The following YWHAG variants were observed in gnomAD, a reference collection of about 807,000 sequenced individuals.
YWHAG encodes the protein 14-3-3 protein gamma.
In YWHAG, 1 loss-of-function variant was observed where a neutral mutation model predicts 23.3. The ratio of observed to expected loss-of-function variants is 0.04; its 90% CI spans 0.02 to 0.20. YWHAG has a LOEUF of 0.20. Ranked by LOEUF, YWHAG falls within the 10% of genes least tolerant of loss-of-function variation. The pLI is 1.00. For synonymous variants in YWHAG, 160 were observed against 144.0 expected, an observed-to-expected ratio of 1.11 and a Z score of -0.80; for missense variants, 151 against 338.6, an observed-to-expected ratio of 0.45 and a Z score of 4.35.
chr7:76,349,444 G>GAC (rs34840797), intron 1 of YWHAG, among the ~76,000 whole-genome samples: 1,569 of 143,228 alleles, frequency 0.011, 11 homozygotes, highest in Non-Finnish European at 0.017. Flanking sequence ...CACACACACA[G>GAC]ACACACACAC....
rs2115586411 is a variant in YWHAG at position 76,329,373 on chromosome 7, A to G, written c.*204T>C. ...GACGCCAGTGTGAGGCTGCTATTCC[A>G]ATACCAGCACAGCTAGCCTGACTTT... On this transcript the variant is annotated 3_prime_UTR_variant, in exon 2 of 2. Transcript: ENST00000307630. This position sits in a 1 kb window ranked among gnomAD's most constrained non-coding sequence, Gnocchi z 6.1. 1.6e-6 allele frequency: 1 copy of G among 629,874 alleles called. No homozygotes were observed. The highest frequency in any genetic ancestry group is 2.7e-6 in the Non-Finnish European group (1 of 370,374). The allele number at this position is 629,874 out of a possible 1,614,324, so 39.0% of individuals were successfully genotyped here. A position where few individuals can be genotyped will look rare whatever the true frequency, so the allele number is the denominator to read the frequency against.
chr7:76,340,113 TACAC>T (rs1803670059), intron 1 of YWHAG, among the ~76,000 whole-genome samples: 2 of 151,682 alleles, frequency 1.3e-5, no homozygotes, highest in African/African-American at 4.8e-5. Flanking sequence ...AACACACACA[TACAC>T]ACACAAACAA....
chr7:76,332,796 C>A (rs374668527), intron 1 of YWHAG, among the ~76,000 whole-genome samples: 1 of 151,712 alleles, frequency 6.6e-6, no homozygotes, highest in Non-Finnish European at 1.5e-5. Flanking sequence ...AACCTCCCCC[C>A]AAGTTCAAGC....
chr7:76,349,214 C>T (rs894664664), intron 1 of YWHAG, among the ~76,000 whole-genome samples: 2 of 151,426 alleles, frequency 1.3e-5, no homozygotes, highest in Non-Finnish European at 1.5e-5. Context: ...TGGTGGTGGG[C>T]GCCTGTAGTC....
intron 1 of YWHAG, among the ~76,000 whole-genome samples, chr7:76,351,273 T>C (rs1207821467): frequency 6.6e-6 from 1 of 152,170 alleles, no homozygotes; most frequent in Non-Finnish European, 1.5e-5. Flanking sequence ...TCCAAGATAT[T>C]CTAGAATATT....
chr7:76,350,486 A>ACCAT (rs534475711), intron 1 of YWHAG, among the ~76,000 whole-genome samples: 44 of 152,320 alleles, frequency 2.9e-4, no homozygotes, highest in Admixed American at 2.2e-3. Flanking sequence ...TGGGGACATG[A>ACCAT]CCATCCTAAG....
intron 1 of YWHAG, among the ~76,000 whole-genome samples, chr7:76,351,073 A>G (rs528903093): frequency 2.0e-5 from 3 of 152,332 alleles, no homozygotes; most frequent in African/African-American, 7.2e-5. Flanking sequence ...AAAAGAATAT[A>G]AACTGTAGAA....
intron 1 of YWHAG, among the ~76,000 whole-genome samples, chr7:76,354,474 C>CT (rs1803921660): frequency 6.6e-6 from 1 of 152,138 alleles, no homozygotes; most frequent in Admixed American, 6.6e-5. Flanking sequence ...TACCACACCA[C>CT]TGCCCACTGC....
intron 1 of YWHAG, among the ~76,000 whole-genome samples, chr7:76,333,719 T>C (rs1583983743): frequency 6.6e-6 from 1 of 152,248 alleles, no homozygotes; most frequent in East Asian, 1.9e-4. Flanking sequence ...ATCTCTGGCA[T>C]ACTTTACTGA....
At chr7:76,356,066 C>T (rs961559576) in intron 1 of YWHAG, among the ~76,000 whole-genome samples, 5 of 152,190 alleles carry the variant, frequency 3.3e-5, no homozygotes, top group African/African-American at 1.2e-4. Flanking sequence ...ATAGTGTTAG[C>T]ACTAGGATAA....
chr7:76,335,302 C>T (rs1041773620), intron 1 of YWHAG, among the ~76,000 whole-genome samples: 32 of 152,056 alleles, frequency 2.1e-4, no homozygotes, highest in Admixed American at 1.9e-3. Flanking sequence ...GTGATCCGCC[C>T]GCCTCGGCCT....
intron 1 of YWHAG, among the ~76,000 whole-genome samples, chr7:76,347,659 TC>T (rs543445600): frequency 4.6e-4 from 70 of 152,306 alleles, no homozygotes; most frequent in Non-Finnish European, 9.6e-4. Flanking sequence ...ATAACTAGCA[TC>T]TCTTTTCTTC....
intron 1 of YWHAG, among the ~76,000 whole-genome samples, chr7:76,345,668 C>T (rs944756284): frequency 1.3e-5 from 2 of 151,968 alleles, no homozygotes; most frequent in African/African-American, 2.4e-5. Context: ...TGAGGCCTGG[C>T]GCAGTGGCTC....
chr7:76,339,614 C>T (rs1406634137), intron 1 of YWHAG, among the ~76,000 whole-genome samples: 3 of 152,266 alleles, frequency 2.0e-5, no homozygotes, highest in East Asian at 3.9e-4. Context: ...CAGGTTTGAA[C>T]TGCACAAATC....
chr7:76,334,735 A>G (rs1041667955), intron 1 of YWHAG, among the ~76,000 whole-genome samples: 5 of 149,050 alleles, frequency 3.4e-5, no homozygotes, highest in East Asian at 2.0e-4. Context: ...TTTAAAAAAA[A>G]AAAGAAAGAA....
At chr7:76,358,607 A>G (rs1804000616) in intron 1 of YWHAG, 115 bp downstream of exon 1, 2 of 1,069,254 alleles carry the variant, frequency 1.9e-6, no homozygotes, top group Non-Finnish European at 2.6e-6. Context: ...TCAGTGAGCG[A>G]GACGGGGCGG....
At chr7:76,351,569 G>A (rs765583480) in intron 1 of YWHAG, among the ~76,000 whole-genome samples, 7 of 152,164 alleles carry the variant, frequency 4.6e-5, no homozygotes, top group Non-Finnish European at 4.4e-5. Context: ...CCCACTGCTC[G>A]AATTACCACC....
chr7:76,353,959 A>G (rs768959246), intron 1 of YWHAG, among the ~76,000 whole-genome samples: 21 of 151,426 alleles, frequency 1.4e-4, no homozygotes, highest in Non-Finnish European at 2.1e-4. Flanking sequence ...TGTAGTCCCA[A>G]CTACTTGGGT....
chr7:76,333,870 C>T (rs1226002734), intron 1 of YWHAG, among the ~76,000 whole-genome samples: 4 of 152,232 alleles, frequency 2.6e-5, no homozygotes, highest in African/African-American at 7.2e-5. Context: ...ATTTCAAGGG[C>T]CAGGAGCTAT....
Sources: allele counts gnomAD v4.1 joint callset (sites outside exome capture counted in the v4.1 genomes callset), GRCh38; gene constraint gnomAD v4.1.1; non-coding constraint Gnocchi (gnomAD v3.1); transcripts MANE v1.5; gene names NCBI Gene and HGNC (gene_info 2026-07-23, HGNC 2026-07-21).